Variants in PRKG1 observed in about 807,000 individuals in gnomAD.
The protein encoded by PRKG1 is cGMP-dependent protein kinase 1.
A neutral mutation model predicts 88.1 loss-of-function variants in PRKG1; 35 were observed. That is an observed-to-expected ratio of 0.40 (90% confidence interval 0.30 to 0.53). The LOEUF (loss-of-function observed/expected upper bound fraction) is 0.53, where lower values mean the gene tolerates loss of function less well. Ranked by LOEUF, PRKG1 falls within the 20% of genes least tolerant of loss-of-function variation. The pLI is 0.59. For synonymous variants in PRKG1, 303 were observed against 292.5 expected, an observed-to-expected ratio of 1.04 and a Z score of -0.37; for missense variants, 540 against 839.8, an observed-to-expected ratio of 0.64 and a Z score of 4.41.
At chr10:51,025,397 T>TA (rs983990053) in intron 1 of PRKG1, among the ~76,000 whole-genome samples, 2 of 152,186 alleles carry the variant, frequency 1.3e-5, no homozygotes, top group African/African-American at 4.8e-5. Context: ...TGGCTGGTCC[T>TA]GGTGTCATGG....
At chr10:52,194,672 A>G (rs1273563034) in intron 9 of PRKG1, among the ~76,000 whole-genome samples, 2 of 152,164 alleles carry the variant, frequency 1.3e-5, no homozygotes, top group Non-Finnish European at 2.9e-5. Flanking sequence ...TTCAATATTT[A>G]AAAAATAGAA....
chr10:51,987,590 A>G (rs908729448), intron 5 of PRKG1, among the ~76,000 whole-genome samples: 1 of 151,980 alleles, frequency 6.6e-6, no homozygotes, highest in Non-Finnish European at 1.5e-5. Flanking sequence ...CTTCTTAGCC[A>G]CTATGGGCTT....
At chr10:52,199,852 A>G (rs1460868637) in intron 9 of PRKG1, among the ~76,000 whole-genome samples, 1 of 152,206 alleles carries the variant, frequency 6.6e-6, no homozygotes, top group Non-Finnish European at 1.5e-5. Context: ...TCTCCTACAC[A>G]TCCCTAAAAG....
Position 51,436,803 on chromosome 10 carries a change from T to A in PRKG1, c.479-30920T>A, listed in dbSNP as rs557203584. On this transcript the variant is annotated intron_variant, in intron 2 of 17. Transcript: ENST00000373980. ...GCCTGCACATAGTGGCCACTCAACTTACTTCTGCATAGACTATTCAATCAT... is the reference window on the plus strand; with the variant it reads ...GCCTGCACATAGTGGCCACTCAACTAACTTCTGCATAGACTATTCAATCAT... Among the ~76,000 whole-genome samples the A allele has an allele frequency of 3.3e-5, 5 of 152,184 alleles. No individual in the cohort carries two copies. In the Middle Eastern group the frequency reaches 0.014, roughly 414 times the overall value.
chr10:51,796,420 T>C (rs1839012852), intron 3 of PRKG1, among the ~76,000 whole-genome samples: 1 of 152,260 alleles, frequency 6.6e-6, no homozygotes, highest in South Asian at 2.1e-4. Context: ...TACATACTTT[T>C]TTCATACCAT....
chr10:51,752,143 T>C (rs980506899), intron 3 of PRKG1, among the ~76,000 whole-genome samples: 5 of 146,586 alleles, frequency 3.4e-5, no homozygotes, highest in African/African-American at 1.4e-4. Context: ...TTTCCATCAT[T>C]GTTTATGTCC....
intron 1 of PRKG1, among the ~76,000 whole-genome samples, chr10:51,084,277 CAT>C (rs1309167426): frequency 6.6e-6 from 1 of 152,098 alleles, no homozygotes; most frequent in African/African-American, 2.4e-5. Context: ...TGACCAAAAA[CAT>C]GTGTTTAATT....
At chr10:52,019,258 G>T (rs1845120875) in intron 5 of PRKG1, among the ~76,000 whole-genome samples, 1 of 152,166 alleles carries the variant, frequency 6.6e-6, no homozygotes, top group East Asian at 1.9e-4. Flanking sequence ...TCAACATTGG[G>T]GATCAAATTT....
intron 1 of PRKG1, among the ~76,000 whole-genome samples, chr10:51,082,822 A>G (rs1019332174): frequency 1.3e-5 from 2 of 151,978 alleles, no homozygotes; most frequent in African/African-American, 2.4e-5. Flanking sequence ...TTCCCTACCT[A>G]GCCCATTGGT....
At chr10:52,204,980 G>A (rs985098422) in intron 9 of PRKG1, among the ~76,000 whole-genome samples, 11 of 152,154 alleles carry the variant, frequency 7.2e-5, no homozygotes, top group Admixed American at 2.0e-4. Flanking sequence ...AACAGCCCTG[G>A]GAAAAGAATG....
chr10:51,790,282 A>G (rs1838837146), intron 3 of PRKG1, among the ~76,000 whole-genome samples: 2 of 152,116 alleles, frequency 1.3e-5, no homozygotes, highest in African/African-American at 2.4e-5. Context: ...ATTCATTGTC[A>G]CTACCCAATA....
chr10:51,689,997 T>C (rs1841095261), intron 3 of PRKG1, among the ~76,000 whole-genome samples: 1 of 152,180 alleles, frequency 6.6e-6, no homozygotes, highest in Admixed American at 6.5e-5. Context: ...AGAGGTTTAA[T>C]TGGCTCATGT....
At chr10:51,818,858 T>A (rs1839662972) in intron 4 of PRKG1, among the ~76,000 whole-genome samples, 1 of 129,204 alleles carries the variant, frequency 7.7e-6, no homozygotes, top group Non-Finnish European at 1.5e-5. Context: ...ATACAAAAAA[T>A]TAGCCGGGCG....
chr10:52,150,189 A>ATTATTAT lies in PRKG1; in HGVS notation c.1002-11698_1002-11697insATTATTT, dbSNP rs1837874231. 1.8e-4 allele frequency among the ~76,000 whole-genome samples: 20 copies of ATTATTAT among 108,324 alleles called. No homozygotes were observed. In the South Asian group the frequency reaches 6.1e-3, roughly 33 times the overall value. 71.1% of individuals were successfully genotyped at this position (108,324 alleles called of 152,430 possible). The stretch of plus-strand genomic sequence containing the variant: ...TAATAATAATAATAATAATAATTTG[A>ATTATTAT]TTGGCCATAAGGGCAGGATTTGAGA... On this transcript the variant is annotated intron_variant, in intron 8 of 17. Coordinates refer to ENST00000373980, the MANE Select transcript of PRKG1 (RefSeq NM_006258.4).
chr10:51,651,584 CTT>C (rs11464425), intron 3 of PRKG1, among the ~76,000 whole-genome samples: 6 of 144,496 alleles, frequency 4.2e-5, no homozygotes, highest in Admixed American at 1.4e-4. Flanking sequence ...ACAGATCTTA[CTT>C]TTTTTTTTTT....
chr10:51,783,205 T>A lies in PRKG1; in HGVS notation c.593-21380T>A, dbSNP rs1838641310. On this transcript the variant is annotated intron_variant, in intron 3 of 17. Transcript: ENST00000373980. ...ACATTCTCTTTGCTCTTGCTCCTCA[T>A]GGTCCAGTTATAAGCTTTGGCATGA... Among the ~76,000 whole-genome samples, 3 of 152,316 alleles carry A rather than the reference T, an allele frequency of 2.0e-5. No homozygotes were observed. The South Asian group carries it at 6.2e-4, about 32-fold the overall frequency.
chr10:52,289,234 A>AT (rs537787036), intron 16 of PRKG1, among the ~76,000 whole-genome samples: 1 of 151,954 alleles, frequency 6.6e-6, no homozygotes, highest in Non-Finnish European at 1.5e-5. Flanking sequence ...ACCAACTAGC[A>AT]TTTTTTTCCC....
chr10:51,710,074 G>A (rs565380444), intron 3 of PRKG1, among the ~76,000 whole-genome samples: 1 of 152,278 alleles, frequency 6.6e-6, no homozygotes, highest in African/African-American at 2.4e-5. Context: ...GTTTAAATGT[G>A]AACGAAAATG....
chr10:52,131,971 T>C (rs1225866170), intron 7 of PRKG1, among the ~76,000 whole-genome samples: 7 of 151,372 alleles, frequency 4.6e-5, no homozygotes, highest in Admixed American at 4.6e-4. Flanking sequence ...TGGATTAAAA[T>C]ATGTACAATA....
Sources: gnomAD v4.1 joint callset for allele counts (sites outside exome capture counted in the v4.1 genomes callset) on GRCh38, gnomAD v4.1.1 for gene constraint, MANE v1.5 for transcripts, NCBI Gene and HGNC (gene_info 2026-07-23, HGNC 2026-07-21) for gene names.